SYNE2: variants seen among roughly 807,000 people sequenced by gnomAD.
SYNE2 encodes nesprin-2.
Under a neutral mutation model 856.3 loss-of-function variants are expected in SYNE2, and 431 were observed. The ratio of observed to expected loss-of-function variants is 0.50; its 90% CI spans 0.47 to 0.55. SYNE2 has a LOEUF of 0.55. Ranked by LOEUF, SYNE2 falls within the 20% of genes least tolerant of loss-of-function variation. SYNE2 has a pLI of 0.00. For missense variants in SYNE2, 8,129 were observed against 8,023.2 expected, an observed-to-expected ratio of 1.01 and a Z score of -0.50; for synonymous variants, 2,923 against 2,872.3, an observed-to-expected ratio of 1.02 and a Z score of -0.56.
rs755652581 is a variant in SYNE2, at chr14:64,188,554, C to A, written c.17717C>A (p.Ala5906Asp). ...RQWEDLCLRV[A>D]IRKQEIEDRL... Reference sequence around the variant, plus strand: ...CAAATGTATTTTCATTTGCAGGTGGCCATACGTAAACAGGAGATTGAAGAC... The same window carrying A: ...CAAATGTATTTTCATTTGCAGGTGGACATACGTAAACAGGAGATTGAAGAC... The change falls in exon 98 of 116, where the codon GCC (alanine) becomes GAC (aspartate). Residue 5906 changes from alanine to aspartate, a missense_variant. Coordinates refer to ENST00000555002, the MANE Select transcript of SYNE2 (RefSeq NM_182914.3). 225 of 1,614,012 alleles carry A rather than the reference C, an allele frequency of 1.4e-4. No individual in the cohort carries two copies. Among genetic ancestry groups the A allele is most frequent in the Non-Finnish European group, 1.7e-4 (202 of 1,180,032 alleles).
intron 10 of SYNE2, among the ~76,000 whole-genome samples, chr14:63,967,284 C>T (rs1405281620): frequency 6.6e-6 from 1 of 152,172 alleles, no homozygotes; most frequent in Non-Finnish European, 1.5e-5. Context: ...GAAGAATAAG[C>T]TGAAGCTCAG....
intron 57 of SYNE2, among the ~76,000 whole-genome samples, chr14:64,082,044 C>A (rs932185261): frequency 6.6e-6 from 1 of 151,904 alleles, no homozygotes; most frequent in Non-Finnish European, 1.5e-5. Flanking sequence ...CGAGATCGCA[C>A]CACTGCACTC....
intron 6 of SYNE2, among the ~76,000 whole-genome samples, chr14:63,943,423 A>T (rs2095956722): frequency 6.6e-6 from 1 of 152,180 alleles, no homozygotes. Flanking sequence ...CTTAGGAAAA[A>T]TATTTATTTT....
chr14:64,089,373 A>G (rs1028042195), intron 58 of SYNE2, among the ~76,000 whole-genome samples: 46 of 133,234 alleles, frequency 3.5e-4, no homozygotes, highest in Middle Eastern at 3.6e-3. Flanking sequence ...TCTCAGGAAA[A>G]AAAAAAAAAA....
intron 103 of SYNE2, among the ~76,000 whole-genome samples, chr14:64,211,368 A>G (rs1452428113): frequency 6.6e-6 from 1 of 152,218 alleles, no homozygotes. Flanking sequence ...TCAGCTGCCT[A>G]TCTGTGAAGC....
intron 76 of SYNE2, among the ~76,000 whole-genome samples, chr14:64,131,824 AATGTTTGTCATTTAAAATGGATT>A (rs1165256089): frequency 2.6e-5 from 4 of 152,318 alleles, no homozygotes; most frequent in African/African-American, 9.6e-5. Context: ...AATTGACAAA[AATGTTTGTCATTTAAAATGGATT>A]ATTTAGTGGA....
chr14:64,198,775 C>G (rs748360366), intron 99 of SYNE2, among the ~76,000 whole-genome samples: 3 of 152,200 alleles, frequency 2.0e-5, no homozygotes, highest in Non-Finnish European at 4.4e-5. Flanking sequence ...GGCAGAAGGG[C>G]TCTGATATGC....
intron 1 of SYNE2, among the ~76,000 whole-genome samples, chr14:63,866,896 C>G (rs1368900204): frequency 6.6e-6 from 1 of 152,136 alleles, no homozygotes; most frequent in Non-Finnish European, 1.5e-5. Flanking sequence ...TGCTTGAGCC[C>G]AGAAGATGGA....
intron 100 of SYNE2, 38 bp downstream of exon 100, chr14:64,203,001 T>A: frequency 6.2e-7 from 1 of 1,611,766 alleles, no homozygotes; most frequent in Non-Finnish European, 8.5e-7. Context: ...AAGAGTACGG[T>A]GTCCGCGATA....
intron 1 of SYNE2, among the ~76,000 whole-genome samples, chr14:63,892,526 A>G (rs2095156990): frequency 6.6e-6 from 1 of 151,770 alleles, no homozygotes; most frequent in South Asian, 2.1e-4. Flanking sequence ...TTCCATGGCT[A>G]AGAATTCCGG....
chr14:64,042,748 C>A (rs2097158282), intron 45 of SYNE2, among the ~76,000 whole-genome samples: 1 of 113,760 alleles, frequency 8.8e-6, no homozygotes. Flanking sequence ...AACTGTAAAT[C>A]CATTAAACCT....
chr14:63,763,616 G>T (rs1436327021), intron 1 of SYNE2, among the ~76,000 whole-genome samples: 1 of 152,088 alleles, frequency 6.6e-6, no homozygotes, highest in Non-Finnish European at 1.5e-5. Flanking sequence ...TTGGGAGGCT[G>T]AGGCGGGAGG....
At chr14:64,223,838 G>A (rs1329957782) in intron 113 of SYNE2, among the ~76,000 whole-genome samples, 1 of 152,116 alleles carries the variant, frequency 6.6e-6, no homozygotes, top group Non-Finnish European at 1.5e-5. Flanking sequence ...CTCCTAAGCA[G>A]CCAAAACTAG....
rs367697007 is a variant in SYNE2 at position 64,209,603 on chromosome 14, T to G, written c.18540+25T>G. The G allele has an allele frequency of 3.2e-5, 51 of 1,613,120 alleles. No individual in the cohort carries two copies. In the East Asian group the frequency reaches 3.8e-4, roughly 12 times the overall value. ...GGTAAACACCTTCTCCATCCCGGTC[T>G]CCTGATCATAACCAAGCCTGCAGCG... On this transcript the variant is annotated intron_variant, in intron 102 of 115. Coordinates refer to ENST00000555002, the MANE Select transcript of SYNE2 (RefSeq NM_182914.3).
chr14:63,795,826 T>G (rs1887898153), intron 1 of SYNE2, among the ~76,000 whole-genome samples: 1 of 152,192 alleles, frequency 6.6e-6, no homozygotes, highest in South Asian at 2.1e-4. Context: ...AACAAACTAT[T>G]AACACAATGT....
chr14:64,221,668 C>T lies in SYNE2; in HGVS notation c.20154C>T (p.Asp6718=), dbSNP rs201738236. 6.2e-7 allele frequency: 1 copy of T among 1,614,162 alleles called. No homozygotes were observed. Among genetic ancestry groups the T allele is most frequent in the Non-Finnish European group, 8.5e-7 (1 of 1,180,038 alleles). The change falls in exon 112 of 116, where the codon GAC becomes GAT. Residue 6718 remains aspartate, a synonymous_variant. Transcript: ENST00000555002. ...CTCATGTCACCGATCCAAAGGCAGA[C>T]CCCCGGGCTCTCCTAGAGTGTCGGA... ...QKAHVTDPKA[D]PRALLECRRE... is the part of the protein sequence containing the mutation.
chr14:64,097,808 C>G (rs2097689542), intron 61 of SYNE2, 141 bp from the exon 62 acceptor site: 2 of 816,578 alleles, frequency 2.4e-6, no homozygotes, highest in Admixed American at 2.0e-5. Context: ...AGGAGCTATA[C>G]CGTACCAGAG....
At chr14:64,113,991 G>A (rs528331671) in intron 66 of SYNE2, among the ~76,000 whole-genome samples, 1 of 152,264 alleles carries the variant, frequency 6.6e-6, no homozygotes, top group South Asian at 2.1e-4. Context: ...GATTAAATAG[G>A]TATATAAAGT....
chr14:63,859,594 G>A (rs141103513), intron 1 of SYNE2, among the ~76,000 whole-genome samples: 5,333 of 152,238 alleles, frequency 0.035, 187 homozygotes, highest in African/African-American at 0.086. Flanking sequence ...CAAGGCAGGC[G>A]GATCACGAGG....
Sources: gnomAD v4.1 joint callset for allele counts (sites outside exome capture counted in the v4.1 genomes callset) on GRCh38, gnomAD v4.1.1 for gene constraint, MANE v1.5 for transcripts, NCBI Gene and HGNC (gene_info 2026-07-23, HGNC 2026-07-21) for gene names.